Variants in FIGN observed in about 807,000 individuals in gnomAD.
FIGN encodes the protein fidgetin, microtubule severing factor.
Under a neutral mutation model 51.3 loss-of-function variants are expected in FIGN, and 11 were observed. That is an observed-to-expected ratio of 0.21 (90% CI 0.13 to 0.35). The LOEUF is 0.35. Among genes scored for constraint, FIGN ranks in the 10% least tolerant of loss-of-function variants. The pLI is 1.00. For missense variants in FIGN, 857 were observed against 943.6 expected (o/e 0.91, Z 1.20); for synonymous variants, 407 against 363.2 (o/e 1.12, Z -1.37).
At chr2:163,717,473 A>G (rs777494560) in intron 2 of FIGN, among the ~76,000 whole-genome samples, 6 of 152,088 alleles carry the variant, frequency 3.9e-5, no homozygotes, top group Non-Finnish European at 8.8e-5. Context: ...GCATAGAGTC[A>G]TAGTATTTTG....
intron 2 of FIGN, among the ~76,000 whole-genome samples, chr2:163,633,972 C>A (rs965712349): frequency 1.3e-5 from 2 of 152,102 alleles, no homozygotes; most frequent in Non-Finnish European, 2.9e-5. Flanking sequence ...ACACTAAAAT[C>A]AAATCCCTCT....
At chr2:163,670,181 T>C (rs1353847836) in intron 2 of FIGN, among the ~76,000 whole-genome samples, 1 of 152,208 alleles carries the variant, frequency 6.6e-6, no homozygotes, top group African/African-American at 2.4e-5. Context: ...GTGATCCTTT[T>C]TAAATTTTAG....
At chr2:163,623,115 T>A (rs1410303965) in intron 2 of FIGN, among the ~76,000 whole-genome samples, 1 of 152,158 alleles carries the variant, frequency 6.6e-6, no homozygotes, top group Non-Finnish European at 1.5e-5. Context: ...AGCTTATGAC[T>A]GCAGTTGTGG....
At chr2:163,616,741 A>G (rs896428606) in intron 2 of FIGN, among the ~76,000 whole-genome samples, 6 of 152,214 alleles carry the variant, frequency 3.9e-5, no homozygotes, top group Admixed American at 3.9e-4. Context: ...GGTTTCTCTG[A>G]AAAACAATCA....
intron 2 of FIGN, among the ~76,000 whole-genome samples, chr2:163,653,405 G>T (rs1472655704): frequency 6.6e-6 from 1 of 151,898 alleles, no homozygotes; most frequent in Non-Finnish European, 1.5e-5. Flanking sequence ...ACAACGAAAA[G>T]ACCTTAAAAA....
intron 2 of FIGN, among the ~76,000 whole-genome samples, chr2:163,725,265 G>GAAAGA (rs1381294561): frequency 4.6e-5 from 7 of 151,674 alleles, no homozygotes; most frequent in Non-Finnish European, 5.9e-5. Context: ...TTTTTAAAAA[G>GAAAGA]AAAGAAAAGA....
intron 2 of FIGN, among the ~76,000 whole-genome samples, chr2:163,631,510 C>A (rs1243845613): frequency 6.6e-6 from 1 of 152,072 alleles, no homozygotes; most frequent in Non-Finnish European, 1.5e-5. Context: ...GCGTTCTCCT[C>A]CAGCTCCCCT....
intron 2 of FIGN, among the ~76,000 whole-genome samples, chr2:163,672,105 T>C (rs1018106860): frequency 6.6e-5 from 10 of 152,202 alleles, no homozygotes; most frequent in Admixed American, 5.2e-4. Flanking sequence ...ATTGTTTTAC[T>C]TTGAAGTTTC....
intron 2 of FIGN, among the ~76,000 whole-genome samples, chr2:163,615,968 AAGAT>A (rs1161408509): frequency 4.0e-4 from 61 of 152,296 alleles, no homozygotes; most frequent in Non-Finnish European, 6.8e-4. Context: ...AATTGCTTTT[AAGAT>A]AATTTAAGTG....
chr2:163,615,664 C>T, intron 2 of FIGN, among the ~76,000 whole-genome samples: 1 of 152,150 alleles, frequency 6.6e-6, no homozygotes, highest in Admixed American at 6.5e-5. Flanking sequence ...TTAAAAACAG[C>T]TTTTATATGG....
intron 2 of FIGN, among the ~76,000 whole-genome samples, chr2:163,716,105 T>C (rs1684662829): frequency 6.6e-6 from 1 of 152,226 alleles, no homozygotes; most frequent in South Asian, 2.1e-4. Context: ...ACTATAGTTG[T>C]CTGTATGAAT....
At chr2:163,658,904 C>G (rs1573931606) in intron 2 of FIGN, among the ~76,000 whole-genome samples, 1 of 152,146 alleles carries the variant, frequency 6.6e-6, no homozygotes, top group East Asian at 1.9e-4. Flanking sequence ...TCAGTTCTTT[C>G]ACCCCTAAAT....
Position 163,696,490 on chromosome 2 carries a change from C to A in FIGN, c.25+38413G>T, listed in dbSNP as rs1489966516. 2.6e-5 allele frequency among the ~76,000 whole-genome samples: 4 copies of A among 152,270 alleles called. No homozygotes were observed. The East Asian group carries it at 7.7e-4, about 29-fold the overall frequency. ...TTGGATGAAATATCGCTGCAAGTAT[C>A]CAGGAGTTATTTGCCTCCTCTTTCA... On this transcript the variant is annotated intron_variant, in intron 2 of 2. Coordinates refer to ENST00000333129, the MANE Select transcript of FIGN (RefSeq NM_018086.4).
chr2:163,688,431 A>C (rs1010330153), intron 2 of FIGN, among the ~76,000 whole-genome samples: 1 of 152,236 alleles, frequency 6.6e-6, no homozygotes, highest in Non-Finnish European at 1.5e-5. Flanking sequence ...TAAAACAGTT[A>C]CATGTAAGAT....
intron 2 of FIGN, among the ~76,000 whole-genome samples, chr2:163,686,795 C>CACAT (rs1553500847): frequency 2.4e-4 from 36 of 150,322 alleles, no homozygotes; most frequent in South Asian, 1.5e-3. Flanking sequence ...CACACACACA[C>CACAT]ATATATATAT....
chr2:163,644,211 T>C (rs1411904216), intron 2 of FIGN, among the ~76,000 whole-genome samples: 1 of 152,110 alleles, frequency 6.6e-6, no homozygotes, highest in Non-Finnish European at 1.5e-5. Context: ...TTAGAATATA[T>C]AAAGATTACT....
chr2:163,658,111 AG>A (rs1683591488), intron 2 of FIGN, among the ~76,000 whole-genome samples: 1 of 152,124 alleles, frequency 6.6e-6, no homozygotes, highest in South Asian at 2.1e-4. Flanking sequence ...GGGAGGAATA[AG>A]TTGTTGTCTG....
rs1001689813 is a variant in FIGN, at chr2:163,604,165, T to A, written c.*5387A>T. 1.1e-4 allele frequency: 16 copies of A among 152,126 alleles called. No homozygotes were observed. Among genetic ancestry groups the A allele is most frequent in the African/African-American group, 3.6e-4 (15 of 41,456 alleles). 9.4% of individuals were successfully genotyped at this position (152,126 alleles called of 1,614,324 possible). A position where few individuals can be genotyped will look rare whatever the true frequency, so the allele number is the denominator to read the frequency against. On this transcript the variant is annotated 3_prime_UTR_variant, in exon 3 of 3. Coordinates refer to ENST00000333129, the MANE Select transcript of FIGN (RefSeq NM_018086.4). ...CATTTTCAATCACTGAAGACTATAG[T>A]TGAAAATAGTTAAGTACCATTATTT... is the stretch of plus-strand genomic sequence containing the variant.
At chr2:163,639,069 A>C (rs1185825684) in intron 2 of FIGN, among the ~76,000 whole-genome samples, 2 of 152,152 alleles carry the variant, frequency 1.3e-5, no homozygotes, top group Non-Finnish European at 2.9e-5. Context: ...AAGAATAGCA[A>C]AATAGAATTT....
Sources: allele counts gnomAD v4.1 joint callset (sites outside exome capture counted in the v4.1 genomes callset), GRCh38; gene constraint gnomAD v4.1.1; transcripts MANE v1.5; gene names NCBI Gene and HGNC (gene_info 2026-07-23, HGNC 2026-07-21).